Variants in TMEM267 observed in about 807,000 individuals in gnomAD.
TMEM267 encodes transmembrane protein 267, also known as transmembrane protein C5orf28.
Under a neutral mutation model 19.3 loss-of-function variants are expected in TMEM267, and 20 were observed. That is an observed-to-expected ratio of 1.04 (90% CI 0.73 to 1.51). The LOEUF is 1.51. Ranked by LOEUF, TMEM267 falls within the 40% of genes most tolerant of loss-of-function variation. The pLI, the probability that TMEM267 is intolerant of heterozygous loss-of-function variation, is 0.00. For missense variants in TMEM267, 242 were observed against 261.9 expected, an observed-to-expected ratio of 0.92 and a Z score of 0.52; for synonymous variants, 88 against 90.3, an observed-to-expected ratio of 0.97 and a Z score of 0.15.
intron 1 of TMEM267, among the ~76,000 whole-genome samples, chr5:43,462,585 A>C (rs955010254): frequency 2.0e-5 from 3 of 152,214 alleles, no homozygotes; most frequent in Admixed American, 6.5e-5. Context: ...TAACAAAAAG[A>C]TTGAAATAAT....
In TMEM267 at chr5:43,476,508, CTTTTTTTTTTTTT is replaced by C. The variant is rs67848213; in HGVS notation, c.-75+7301_-75+7313del. ...ATCCTAACTGATACAAAAGCCAGAC[CTTTTTTTTTTTTT>C]TTTTTTTTTTTTTTTTGCATAAGAA... is the stretch of plus-strand genomic sequence containing the variant. On this transcript the variant is annotated intron_variant, in intron 1 of 2. Coordinates refer to ENST00000397080, the MANE Select transcript of TMEM267 (RefSeq NM_022483.5). Among the ~76,000 whole-genome samples the C allele has an allele frequency of 5.1e-4, 28 of 54,826 alleles. 1 individual carries two copies. Among genetic ancestry groups the C allele is most frequent in the South Asian group, 2.3e-3 (3 of 1,298 alleles). 36.0% of individuals were successfully genotyped at this position (54,826 alleles called of 152,430 possible).
rs962324955 is a variant in TMEM267 at position 43,445,253 on chromosome 5, AT to A, written c.*968del. On this transcript the variant is annotated 3_prime_UTR_variant, in exon 3 of 3. Transcript: ENST00000397080. ...TTCCTAAAACTTTATTTTGAAAAAA[AT>A]ATATGCTGTCTTTCAGTATCAGGCA... 146 of 152,332 alleles carry A rather than the reference AT, an allele frequency of 9.6e-4. No homozygotes were observed. Among genetic ancestry groups the A allele is most frequent in the African/African-American group, 3.3e-3 (136 of 41,590 alleles). 9.4% of individuals were successfully genotyped at this position (152,332 alleles called of 1,614,324 possible).
At chr5:43,458,721 C>T (rs992562799) in intron 1 of TMEM267, among the ~76,000 whole-genome samples, 3 of 151,968 alleles carry the variant, frequency 2.0e-5, no homozygotes, top group Non-Finnish European at 2.9e-5. Flanking sequence ...AGGTACACTT[C>T]ATTGATTATA....
chr5:43,478,005 C>A (rs375460200), intron 1 of TMEM267, among the ~76,000 whole-genome samples: 2 of 152,278 alleles, frequency 1.3e-5, no homozygotes, highest in African/African-American at 4.8e-5. Context: ...ATGGGTTTAT[C>A]AGGACATGGA....
rs759744689 is a variant in TMEM267 at position 43,453,729 on chromosome 5, T to C, written c.241A>G (p.Ile81Val). 3.7e-6 allele frequency: 6 copies of C among 1,613,984 alleles called. No homozygotes were observed. The South Asian group carries it at 5.5e-5, about 15-fold the overall frequency. The change falls in exon 2 of 3, where the codon ATT (isoleucine) becomes GTT (valine). Residue 81 changes from isoleucine to valine, a missense_variant. Transcript: ENST00000397080. The stretch of plus-strand genomic sequence containing the variant: ...ACAGAGGCTAAAAATCCAGCTAAAA[T>C]GATTTCTCCAAAGTCAGTCTTCTTC... ...IKKKTDFGEI[I>V]LAGFLASVID...
chr5:43,449,996 T>G (rs1254588065), intron 2 of TMEM267, among the ~76,000 whole-genome samples: 1 of 152,088 alleles, frequency 6.6e-6, no homozygotes, highest in Non-Finnish European at 1.5e-5. Context: ...CGTTTTTTTT[T>G]TTGTTTTTTT....
At position 43,446,288 on chromosome 5, in the gene TMEM267, G is replaced by A. The variant is rs1285882154; in HGVS notation, c.582C>T (p.Phe194=). Reference sequence around the variant, plus strand: ...GTCTGGTTCCTGTTAAATACATAACGAATGAACAGATGTGAGGTAAAGATG... The same window carrying A: ...GTCTGGTTCCTGTTAAATACATAACAAATGAACAGATGTGAGGTAAAGATG... ...ITSSLPHICS[F]VMYLTGTRQM... is the part of the protein sequence containing the mutation. The change falls in exon 3 of 3, where the codon TTC becomes TTT. Residue 194 remains phenylalanine, a synonymous_variant. Coordinates refer to ENST00000397080, the MANE Select transcript of TMEM267 (RefSeq NM_022483.5). 7.4e-6 allele frequency: 12 copies of A among 1,613,498 alleles called. No homozygotes were observed. The highest frequency in any genetic ancestry group is 1.1e-5 in the South Asian group (1 of 91,042).
chr5:43,473,724 T>C lies in TMEM267; in HGVS notation c.-75+10098A>G, dbSNP rs186089423. Among the ~76,000 whole-genome samples, 4 of 152,370 alleles carry C rather than the reference T, an allele frequency of 2.6e-5. No individual in the cohort carries two copies. In the East Asian group the frequency reaches 7.7e-4, roughly 29 times the overall value. ...AGATTCAATGCTATCCTCATCAAGC[T>C]ACCATTGACTTCCTTCACAAAATTG... On this transcript the variant is annotated intron_variant, in intron 1 of 2. Transcript: ENST00000397080.
At chr5:43,464,556 T>C (rs1170391432) in intron 1 of TMEM267, among the ~76,000 whole-genome samples, 3 of 152,380 alleles carry the variant, frequency 2.0e-5, no homozygotes, top group South Asian at 2.1e-4. Flanking sequence ...CTTCAAACTA[T>C]ACTACAAGGC....
intron 1 of TMEM267, among the ~76,000 whole-genome samples, chr5:43,466,785 A>G (rs1034374381): frequency 2.6e-5 from 4 of 152,224 alleles, no homozygotes; most frequent in Non-Finnish European, 5.9e-5. Flanking sequence ...TACACAAAAA[A>G]TAAAAAGCAA....
intron 1 of TMEM267, among the ~76,000 whole-genome samples, chr5:43,463,605 C>A (rs959958948): frequency 6.6e-6 from 1 of 152,160 alleles, no homozygotes; most frequent in Non-Finnish European, 1.5e-5. Context: ...TCCAGCCCAC[C>A]ATGATCAAGT....
chr5:43,456,412 A>G (rs1441248781), intron 1 of TMEM267, among the ~76,000 whole-genome samples: 1 of 124,796 alleles, frequency 8.0e-6, no homozygotes, highest in African/African-American at 3.9e-5. Context: ...AGCTTGATCC[A>G]TTAAAAAATT....
chr5:43,457,836 T>C (rs542905328), intron 1 of TMEM267, among the ~76,000 whole-genome samples: 1 of 152,334 alleles, frequency 6.6e-6, no homozygotes, highest in Non-Finnish European at 1.5e-5. Context: ...AGATGTACTG[T>C]AGTTCATTAT....
intron 2 of TMEM267, among the ~76,000 whole-genome samples, chr5:43,447,310 G>A (rs1010451955): frequency 4.6e-5 from 7 of 151,938 alleles, no homozygotes; most frequent in African/African-American, 7.3e-5. Context: ...GGCTGGTCTC[G>A]AACTCCTGAA....
At chr5:43,473,166 A>G (rs565125052) in intron 1 of TMEM267, among the ~76,000 whole-genome samples, 64 of 147,988 alleles carry the variant, frequency 4.3e-4, no homozygotes, top group Non-Finnish European at 8.2e-4. Flanking sequence ...AAAAAATAGA[A>G]AGAATGAGTA....
intron 1 of TMEM267, among the ~76,000 whole-genome samples, chr5:43,482,122 C>T (rs1744822953): frequency 6.6e-6 from 1 of 152,190 alleles, no homozygotes; most frequent in Admixed American, 6.5e-5. Context: ...GGATTACGGG[C>T]GTGAGCCACG....
intron 1 of TMEM267, among the ~76,000 whole-genome samples, chr5:43,462,331 A>G (rs1156733669): frequency 6.6e-6 from 1 of 152,200 alleles, no homozygotes; most frequent in Non-Finnish European, 1.5e-5. Flanking sequence ...ATAAGCCCCG[A>G]CAATGAAGCC....
At chr5:43,475,936 C>T (rs1744396205) in intron 1 of TMEM267, among the ~76,000 whole-genome samples, 1 of 152,192 alleles carries the variant, frequency 6.6e-6, no homozygotes, top group Non-Finnish European at 1.5e-5. Context: ...ATCAACTCAG[C>T]TAACTCGGAC....
At chr5:43,447,678 C>A (rs1456357477) in intron 2 of TMEM267, among the ~76,000 whole-genome samples, 1 of 152,070 alleles carries the variant, frequency 6.6e-6, no homozygotes, top group Non-Finnish European at 1.5e-5. Context: ...CAGAGAATGC[C>A]CATATTTGAA....
Sources: allele counts gnomAD v4.1 joint callset (sites outside exome capture counted in the v4.1 genomes callset), GRCh38; gene constraint gnomAD v4.1.1; transcripts MANE v1.5; gene names NCBI Gene and HGNC (gene_info 2026-07-23, HGNC 2026-07-21).